NPEPPS: variants seen among roughly 807,000 people sequenced by gnomAD.
The protein encoded by NPEPPS is aminopeptidase puromycin sensitive.
In NPEPPS, 14 loss-of-function variants were observed where a neutral mutation model predicts 115.5. The ratio of observed to expected loss-of-function variants is 0.12; its 90% CI spans 0.08 to 0.19. The LOEUF is 0.19. Ranked by LOEUF, NPEPPS falls within the 10% of genes least tolerant of loss-of-function variation. The pLI, the probability that NPEPPS is intolerant of heterozygous loss-of-function variation, is 1.00. For missense variants in NPEPPS, 523 were observed against 1,110.8 expected, an observed-to-expected ratio of 0.47 and a Z score of 7.52; for synonymous variants, 285 against 390.6, an observed-to-expected ratio of 0.73 and a Z score of 3.19.
At chr17:47,594,358 G>A (rs1482244467) in intron 12 of NPEPPS, among the ~76,000 whole-genome samples, 1 of 150,658 alleles carries the variant, frequency 6.6e-6, no homozygotes, top group African/African-American at 2.4e-5. Context: ...TTAGCTTACT[G>A]TAACATTTTA....
chr17:47,606,527 G>A (rs950360730), intron 17 of NPEPPS, among the ~76,000 whole-genome samples: 1 of 151,174 alleles, frequency 6.6e-6, no homozygotes, highest in African/African-American at 2.4e-5. Context: ...GCGCCATCTC[G>A]GTTCACTGCA....
chr17:47,527,583 C>T (rs994964625), upstream of NPEPPS, among the ~76,000 whole-genome samples: 13 of 151,452 alleles, frequency 8.6e-5, no homozygotes, highest in Admixed American at 5.9e-4. Context: ...ATGGGCTGGG[C>T]GTGGTGGTTC....
intron 2 of NPEPPS, among the ~76,000 whole-genome samples, chr17:47,568,878 C>T (rs1290027144): frequency 6.6e-6 from 1 of 150,690 alleles, no homozygotes; most frequent in African/African-American, 2.4e-5. Flanking sequence ...TGGTCTTGAA[C>T]TCCTGACCCC....
chr17:47,595,370 T>A (rs1312196590), intron 12 of NPEPPS, among the ~76,000 whole-genome samples: 1 of 152,222 alleles, frequency 6.6e-6, no homozygotes, highest in Non-Finnish European at 1.5e-5. Flanking sequence ...CCAGCCTGGA[T>A]ATTTTTAAAG....
chr17:47,566,973 C>T (rs1910862103), intron 2 of NPEPPS, among the ~76,000 whole-genome samples: 2 of 152,010 alleles, frequency 1.3e-5, no homozygotes, highest in African/African-American at 2.4e-5. Context: ...CCCAGCTATC[C>T]CGGAGGCTGA....
intron 1 of NPEPPS, among the ~76,000 whole-genome samples, chr17:47,523,895 T>G (rs1334921707): frequency 6.6e-6 from 1 of 152,210 alleles, no homozygotes; most frequent in Non-Finnish European, 1.5e-5. Context: ...TATTTCTTTT[T>G]GTGTCCTCAT....
chr17:47,557,191 G>T (rs1910107672), intron 2 of NPEPPS, among the ~76,000 whole-genome samples: 1 of 151,818 alleles, frequency 6.6e-6, no homozygotes, highest in South Asian at 2.1e-4. Context: ...TGATTCTTAT[G>T]CCTCAGCCTC....
chr17:47,575,247 A>G (rs1159578655), intron 3 of NPEPPS, among the ~76,000 whole-genome samples: 1 of 152,186 alleles, frequency 6.6e-6, no homozygotes, highest in Non-Finnish European at 1.5e-5. Flanking sequence ...GTAAGCATTT[A>G]TGTATATACT....
At chr17:47,600,903 G>A (rs1913155687) in intron 14 of NPEPPS, among the ~76,000 whole-genome samples, 1 of 152,092 alleles carries the variant, frequency 6.6e-6, no homozygotes, top group South Asian at 2.1e-4. Flanking sequence ...ACCTGTTAAG[G>A]ACTGCACCTT....
At chr17:47,556,587 G>T (rs1722234902) in intron 2 of NPEPPS, among the ~76,000 whole-genome samples, 1 of 152,186 alleles carries the variant, frequency 6.6e-6, no homozygotes, top group South Asian at 2.1e-4. Context: ...CTCTCAATGA[G>T]CTGTTGGGTA....
At chr17:47,601,501 G>T in intron 14 of NPEPPS, 107 bp from the exon 15 acceptor site, 1 of 1,166,894 alleles carries the variant, frequency 8.6e-7, no homozygotes, top group South Asian at 1.3e-5. Context: ...ATGAACTATT[G>T]ACTTAACAGT....
Position 47,598,623 on chromosome 17 carries a change from A to G in NPEPPS, c.1537-1053A>G, listed in dbSNP as rs775143321. ...AAAACAAAAAAACAAACCCAAAACTATTGAAATGTTAATGATTACACATAA... is the reference window on the plus strand; with the variant it reads ...AAAACAAAAAAACAAACCCAAAACTGTTGAAATGTTAATGATTACACATAA... On this transcript the variant is annotated intron_variant, in intron 13 of 22. Transcript: ENST00000322157. 4.9e-4 allele frequency among the ~76,000 whole-genome samples: 74 copies of G among 152,314 alleles called. 2 individuals carry two copies. The highest frequency in any genetic ancestry group is 3.4e-3 in the Middle Eastern group (1 of 294).
At chr17:47,539,328 A>G (rs958422110) in intron 1 of NPEPPS, among the ~76,000 whole-genome samples, 2 of 152,090 alleles carry the variant, frequency 1.3e-5, no homozygotes, top group Non-Finnish European at 2.9e-5. Flanking sequence ...GTTAACTGAG[A>G]TTAGTTCTCT....
At chr17:47,560,216 T>C (rs1434459239) in intron 2 of NPEPPS, among the ~76,000 whole-genome samples, 6 of 146,360 alleles carry the variant, frequency 4.1e-5, no homozygotes, top group Non-Finnish European at 6.0e-5. Flanking sequence ...TAAAGTCCTT[T>C]AAAAAAAAAA....
intron 17 of NPEPPS, among the ~76,000 whole-genome samples, chr17:47,611,094 C>G (rs1175633820): frequency 6.6e-6 from 1 of 150,486 alleles, no homozygotes; most frequent in South Asian, 2.1e-4. Context: ...CCTCATGATC[C>G]GCCTGCCTCA....
At chr17:47,538,670 C>T (rs1908523189) in intron 1 of NPEPPS, among the ~76,000 whole-genome samples, 1 of 151,712 alleles carries the variant, frequency 6.6e-6, no homozygotes, top group African/African-American at 2.4e-5. Context: ...GCTGGGACTA[C>T]AGGCACCTGC....
At chr17:47,603,838 C>T (rs910613748) in intron 15 of NPEPPS, 77 bp from the exon 16 acceptor site, 18 of 1,360,636 alleles carry the variant, frequency 1.3e-5, no homozygotes, top group Middle Eastern at 1.8e-4. Flanking sequence ...AAAACCAGAA[C>T]TCCTTTTAAA....
intron 1 of NPEPPS, among the ~76,000 whole-genome samples, chr17:47,532,439 G>A (rs1907875224): frequency 6.6e-6 from 1 of 151,974 alleles, no homozygotes; most frequent in African/African-American, 2.4e-5. Context: ...GCGCACTTGA[G>A]GTCAGGAGTT....
chr17:47,556,011 A>T (rs1169016238), intron 2 of NPEPPS, among the ~76,000 whole-genome samples: 3 of 125,170 alleles, frequency 2.4e-5, no homozygotes, highest in Non-Finnish European at 3.3e-5. Context: ...TTTGAAATAG[A>T]GTCTTGTGCT....
Sources: allele counts gnomAD v4.1 joint callset (sites outside exome capture counted in the v4.1 genomes callset), GRCh38; gene constraint gnomAD v4.1.1; transcripts MANE v1.5; gene names NCBI Gene and HGNC (gene_info 2026-07-23, HGNC 2026-07-21).